Variants in OSBPL11 observed in about 807,000 individuals in gnomAD.
OSBPL11 encodes the protein oxysterol-binding protein-related protein 11.
A neutral mutation model predicts 84.4 loss-of-function variants in OSBPL11; 33 were observed. The observed-to-expected ratio is 0.39, with a 90% CI of 0.30 to 0.52. OSBPL11 has a LOEUF of 0.52. Among genes scored for constraint, OSBPL11 ranks in the 20% least tolerant of loss-of-function variants. The pLI is 0.72. For missense variants in OSBPL11, 736 were observed against 901.1 expected (o/e 0.82, Z 2.35); for synonymous variants, 276 against 310.2 (o/e 0.89, Z 1.16).
chr3:125,572,499 G>A (rs1307371230), intron 5 of OSBPL11, among the ~76,000 whole-genome samples: 1 of 152,114 alleles, frequency 6.6e-6, no homozygotes, highest in African/African-American at 2.4e-5. Context: ...ATTCCCACAT[G>A]TTGTAGGAGG....
At chr3:125,593,699 T>C (rs771666830) in intron 1 of OSBPL11, among the ~76,000 whole-genome samples, 2 of 152,154 alleles carry the variant, frequency 1.3e-5, no homozygotes, top group Non-Finnish European at 2.9e-5. Context: ...TACATATGAA[T>C]ATTATTCATG....
intron 8 of OSBPL11, among the ~76,000 whole-genome samples, chr3:125,555,731 C>G (rs1304870885): frequency 1.3e-5 from 2 of 152,030 alleles, no homozygotes; most frequent in African/African-American, 4.8e-5. Flanking sequence ...GTCACCCAGG[C>G]TGGAGTGCAG....
At chr3:125,592,561 C>A (rs921573076) in intron 1 of OSBPL11, among the ~76,000 whole-genome samples, 4 of 152,112 alleles carry the variant, frequency 2.6e-5, no homozygotes, top group African/African-American at 9.7e-5. Context: ...ATATAAATTT[C>A]TCTGGAATTA....
intron 5 of OSBPL11, among the ~76,000 whole-genome samples, chr3:125,571,023 TAG>T (rs1223310491): frequency 2.6e-5 from 4 of 152,198 alleles, no homozygotes; most frequent in Non-Finnish European, 5.9e-5. Context: ...TGGAACTCCC[TAG>T]AGACTTGTTG....
In OSBPL11 at chr3:125,552,110, G is replaced by GA. The variant is rs200224916; in HGVS notation, c.1654+70dup. ...TAAAGTAAACTTTCATTCCTGCTTG[G>GA]AAAAAAAAATACATATATATATGTG... On this transcript the variant is annotated intron_variant, in intron 9 of 12. Transcript: ENST00000296220. 1.4e-3 allele frequency: 1,214 copies of GA among 846,086 alleles called. 4 individuals are homozygous for GA. The East Asian group carries it at 0.019, about 13-fold the overall frequency. The allele number at this position is 846,086 out of a possible 1,614,324, so 52.4% of individuals were successfully genotyped here. A position where few individuals can be genotyped will look rare whatever the true frequency, so the allele number is the denominator to read the frequency against.
intron 4 of OSBPL11, among the ~76,000 whole-genome samples, chr3:125,578,401 G>A (rs1033063438): frequency 3.3e-5 from 5 of 152,066 alleles, no homozygotes; most frequent in African/African-American, 4.8e-5. Context: ...TAGTGGCTCC[G>A]GATTTTTTAT....
intron 8 of OSBPL11, among the ~76,000 whole-genome samples, chr3:125,554,309 C>T (rs1240013252): frequency 6.6e-6 from 1 of 152,078 alleles, no homozygotes; most frequent in African/African-American, 2.4e-5. Flanking sequence ...CTATTAACAC[C>T]CTCTCTCATG....
At chr3:125,532,955 G>T (rs1935583437) in intron 11 of OSBPL11, among the ~76,000 whole-genome samples, 1 of 151,624 alleles carries the variant, frequency 6.6e-6, no homozygotes, top group South Asian at 2.1e-4. Flanking sequence ...ATCACACATT[G>T]TATGATTTAT....
intron 9 of OSBPL11, among the ~76,000 whole-genome samples, chr3:125,550,949 C>T (rs1935897151): frequency 6.6e-6 from 1 of 151,948 alleles, no homozygotes; most frequent in Admixed American, 6.6e-5. Flanking sequence ...CACTTGAGCC[C>T]AGGAGTTCAT....
intron 9 of OSBPL11, among the ~76,000 whole-genome samples, chr3:125,551,586 T>G (rs943938002): frequency 2.0e-5 from 3 of 152,022 alleles, no homozygotes; most frequent in Non-Finnish European, 4.4e-5. Flanking sequence ...CTAACCAACA[T>G]GGTGAAACCC....
chr3:125,532,259 T>A (rs894926691), intron 11 of OSBPL11, among the ~76,000 whole-genome samples: 1 of 152,202 alleles, frequency 6.6e-6, no homozygotes, highest in African/African-American at 2.4e-5. Flanking sequence ...AAAAGCAGGA[T>A]TTTTTGTTTT....
At chr3:125,539,572 C>G (rs1316556188) in intron 10 of OSBPL11, among the ~76,000 whole-genome samples, 1 of 151,812 alleles carries the variant, frequency 6.6e-6, no homozygotes, top group Non-Finnish European at 1.5e-5. Flanking sequence ...TCCCAAGTAG[C>G]TGGAGTAGCT....
chr3:125,567,229 A>G (rs1040315947), intron 6 of OSBPL11, among the ~76,000 whole-genome samples, 165 bp downstream of exon 6: 3 of 152,254 alleles, frequency 2.0e-5, no homozygotes, highest in Admixed American at 2.0e-4. Context: ...GGACACAATC[A>G]TTAAGAATTT....
chr3:125,550,373 A>T (rs1464999105), intron 9 of OSBPL11, among the ~76,000 whole-genome samples: 18 of 27,022 alleles, frequency 6.7e-4, no homozygotes, highest in East Asian at 2.5e-3. Flanking sequence ...AGACCGTGTC[A>T]CACACACACA....
chr3:125,547,535 T>C lies in OSBPL11; in HGVS notation c.1712A>G (p.Tyr571Cys). 6.2e-7 allele frequency: 1 copy of C among 1,613,894 alleles called. No individual in the cohort carries two copies. The highest frequency in any genetic ancestry group is 8.5e-7 in the Non-Finnish European group (1 of 1,179,790). ...EEYTFSLPCA[Y>C]ARSILTVPWV... The stretch of plus-strand genomic sequence containing the variant: ...AGGAACAGTCAAAATTGACCGAGCA[T>C]ATGCACAGGGTAGAGAAAATGTGTA... The change falls in exon 10 of 13, where the codon TAT becomes TGT. Residue 571 changes from tyrosine (Y) to cysteine (C), a missense_variant. By Grantham distance (194) the Tyr-to-Cys change is radical (BLOSUM62 -2). Around this residue, in one of 3 missense-constraint regions of OSBPL11, gnomAD observed 579 missense variants for 717.6 expected, o/e 0.81. Coordinates refer to ENST00000296220, the MANE Select transcript of OSBPL11 (RefSeq NM_022776.5).
intron 7 of OSBPL11, among the ~76,000 whole-genome samples, chr3:125,561,654 T>C (rs1378722785): frequency 2.0e-5 from 3 of 152,248 alleles, no homozygotes; most frequent in African/African-American, 4.8e-5. Context: ...CATGACGCTA[T>C]TGTCATTAAG....
intron 1 of OSBPL11, among the ~76,000 whole-genome samples, chr3:125,583,653 G>T (rs1025602188): frequency 6.7e-6 from 1 of 149,960 alleles, no homozygotes; most frequent in African/African-American, 2.5e-5. Context: ...CACTTTGGGA[G>T]ATCAAGATAG....
intron 6 of OSBPL11, 142 bp from the exon 7 acceptor site, chr3:125,563,985 T>C: frequency 1.3e-6 from 1 of 790,516 alleles, no homozygotes; most frequent in African/African-American, 1.7e-5. Context: ...GACAGCCACT[T>C]ATATCTCATT....
At chr3:125,549,419 AT>A (rs776049931) in intron 9 of OSBPL11, among the ~76,000 whole-genome samples, 20 of 152,330 alleles carry the variant, frequency 1.3e-4, no homozygotes, top group Non-Finnish European at 2.6e-4. Context: ...ATAAAAAATT[AT>A]TTACATACCT....
Sources: allele counts gnomAD v4.1 joint callset (sites outside exome capture counted in the v4.1 genomes callset), GRCh38; gene constraint gnomAD v4.1.1; regional missense constraint gnomAD v4.1.1; transcripts MANE v1.5; gene names NCBI Gene and HGNC (gene_info 2026-07-23, HGNC 2026-07-21).